ZBTB44: variants seen among roughly 807,000 people sequenced by gnomAD.
ZBTB44 encodes the protein zinc finger and BTB domain containing 44.
Under a neutral mutation model 54.0 loss-of-function variants are expected in ZBTB44, and 15 were observed. The ratio of observed to expected loss-of-function variants is 0.28; its 90% confidence interval spans 0.19 to 0.43. The LOEUF (loss-of-function observed/expected upper bound fraction) is 0.43. Ranked by LOEUF, ZBTB44 falls within the 20% of genes least tolerant of loss-of-function variation. The pLI, the probability that ZBTB44 is intolerant of heterozygous loss-of-function variation, is 1.00. For synonymous variants in ZBTB44, 230 were observed against 250.1 expected (o/e 0.92, Z 0.76); for missense variants, 487 against 707.1 (o/e 0.69, Z 3.53).
chr11:130,267,370 G>A (rs563826372), intron 1 of ZBTB44, among the ~76,000 whole-genome samples: 87 of 152,190 alleles, frequency 5.7e-4, no homozygotes, highest in African/African-American at 2.0e-3. Flanking sequence ...AAGTACTGAT[G>A]TCAAAGCTGC....
chr11:130,293,990 TC>T (rs1280136373), intron 1 of ZBTB44, among the ~76,000 whole-genome samples: 4 of 152,214 alleles, frequency 2.6e-5, no homozygotes, highest in South Asian at 2.1e-4. Context: ...TTGTTAGTAG[TC>T]ACCAAGTCAT....
intron 1 of ZBTB44, among the ~76,000 whole-genome samples, chr11:130,281,484 C>T (rs540580974): frequency 1.8e-4 from 27 of 151,494 alleles, no homozygotes; most frequent in African/African-American, 6.3e-4. Flanking sequence ...TGTGCTACTG[C>T]ACTCTAGCCT....
At position 130,271,305 on chromosome 11, in the gene ZBTB44, G is replaced by C. The variant is rs148310629; in HGVS notation, c.-56-9376C>G. Among the ~76,000 whole-genome samples the C allele has an allele frequency of 8.7e-3, 1,320 of 152,274 alleles. 9 individuals carry two copies. Among genetic ancestry groups the C allele is most frequent in the African/African-American group, 0.022 (896 of 41,552 alleles). On this transcript the variant is annotated intron_variant, in intron 1 of 7. Transcript: ENST00000357899. ...TAGCAATGAATATGGCTAGCACCCA[G>C]AATGGCTTCTAAATTCCATTTCTCA...
intron 6 of ZBTB44, chr11:130,233,732 TG>T (rs1953984220): frequency 1.7e-6 from 2 of 1,165,166 alleles, no homozygotes; most frequent in African/African-American, 1.6e-5. Flanking sequence ...AACTGGTATA[TG>T]TTTTAAGTCA....
At chr11:130,302,802 G>A (rs1370242657) in intron 1 of ZBTB44, among the ~76,000 whole-genome samples, 4 of 152,138 alleles carry the variant, frequency 2.6e-5, no homozygotes, top group African/African-American at 7.2e-5. Context: ...GTGAAACCCC[G>A]TCTCTACTTA....
intron 2 of ZBTB44, among the ~76,000 whole-genome samples, chr11:130,244,358 TATA>T (rs1954535163): frequency 6.6e-6 from 1 of 152,048 alleles, no homozygotes. Flanking sequence ...AGCTTTTGGT[TATA>T]ATATTTTAAT....
At chr11:130,276,692 G>A (rs1204853979) in intron 1 of ZBTB44, among the ~76,000 whole-genome samples, 1 of 152,118 alleles carries the variant, frequency 6.6e-6, no homozygotes, top group East Asian at 1.9e-4. Flanking sequence ...GCCTCCCAGA[G>A]TGCTGGGATT....
At chr11:130,251,315 A>T (rs1937983442) in intron 2 of ZBTB44, among the ~76,000 whole-genome samples, 1 of 152,154 alleles carries the variant, frequency 6.6e-6, no homozygotes, top group Non-Finnish European at 1.5e-5. Flanking sequence ...CAAACCTACG[A>T]TTGACTGAGG....
At chr11:130,235,007 A>C (rs562322551) in intron 5 of ZBTB44, among the ~76,000 whole-genome samples, 1 of 152,264 alleles carries the variant, frequency 6.6e-6, no homozygotes, top group East Asian at 1.9e-4. Flanking sequence ...GTATTTCCTA[A>C]ATTTCCTACT....
intron 2 of ZBTB44, among the ~76,000 whole-genome samples, chr11:130,259,266 C>G (rs1189570862): frequency 6.6e-6 from 1 of 152,132 alleles, no homozygotes; most frequent in Non-Finnish European, 1.5e-5. Flanking sequence ...CATCTCACAC[C>G]AGTTAGAATG....
intron 1 of ZBTB44, among the ~76,000 whole-genome samples, chr11:130,286,480 A>T (rs139209555): frequency 2.0e-5 from 3 of 152,348 alleles, no homozygotes; most frequent in African/African-American, 7.2e-5. Flanking sequence ...AAGGTTTCTA[A>T]TTCTAGATCT....
intron 1 of ZBTB44, among the ~76,000 whole-genome samples, chr11:130,304,709 A>G (rs1479527228): frequency 6.6e-6 from 1 of 152,206 alleles, no homozygotes; most frequent in African/African-American, 2.4e-5. Context: ...CTGAAAGTAC[A>G]GTCCTAAGAA....
At position 130,237,016 on chromosome 11, in the gene ZBTB44, G is replaced by A. The variant is rs1954136244; in HGVS notation, c.1345C>T (p.His449Tyr). 1 of 1,611,358 alleles carries A rather than the reference G, an allele frequency of 6.2e-7. No individual in the cohort carries two copies. Among genetic ancestry groups the A allele is most frequent in the Non-Finnish European group, 8.5e-7 (1 of 1,178,836 alleles). The part of the protein sequence containing the change: ...AYSLKMHRLK[H>Y]EGKRCFRCQI... ...CACCGGAAACAGCGTTTACCTTCAT[G>A]CTTTAGGCGATGCATCTTTAGCGAG... The change falls in exon 5 of 8, where the codon CAT (histidine) becomes TAT (tyrosine). Residue 449 changes from histidine (H) to tyrosine (Y), a missense_variant. His to Tyr is a moderately conservative substitution (Grantham distance 83, BLOSUM62 2). Around this residue, in one of 3 missense-constraint regions of ZBTB44, gnomAD observed 120 missense variants for 240.3 expected, o/e 0.50. Transcript: ENST00000357899.
At chr11:130,252,110 A>C (rs1288040855) in intron 2 of ZBTB44, among the ~76,000 whole-genome samples, 1 of 152,186 alleles carries the variant, frequency 6.6e-6, no homozygotes, top group Admixed American at 6.6e-5. Flanking sequence ...AAAAAAAAGA[A>C]GCAGGGGCTG....
At chr11:130,238,080 G>A (rs1954189330) in intron 4 of ZBTB44, among the ~76,000 whole-genome samples, 1 of 152,134 alleles carries the variant, frequency 6.6e-6, no homozygotes, top group Admixed American at 6.5e-5. Flanking sequence ...CAAACTTAAA[G>A]AGACATTATA....
At chr11:130,271,928 C>T (rs570993577) in intron 1 of ZBTB44, among the ~76,000 whole-genome samples, 1 of 152,020 alleles carries the variant, frequency 6.6e-6, no homozygotes, top group African/African-American at 2.4e-5. Flanking sequence ...CCTTTATATT[C>T]CCATCAAGAG....
chr11:130,263,277 A>T (rs575710775), intron 1 of ZBTB44, among the ~76,000 whole-genome samples: 2 of 152,206 alleles, frequency 1.3e-5, no homozygotes, highest in Non-Finnish European at 2.9e-5. Context: ...ACTGACCACA[A>T]TGAGACACTA....
Position 130,311,375 on chromosome 11 carries a change from ATTTT to A in ZBTB44, c.-57+2996_-57+2999del, listed in dbSNP as rs538151417. 9.2e-5 allele frequency among the ~76,000 whole-genome samples: 14 copies of A among 151,804 alleles called. No individual in the cohort carries two copies. In the South Asian group the frequency reaches 2.7e-3, roughly 29 times the overall value. The stretch of plus-strand genomic sequence containing the variant: ...AGGCACACACCACCACGCCTGGCTA[ATTTT>A]TTTATTTTTTATAGAGATGGGGTCT... On this transcript the variant is annotated intron_variant, in intron 1 of 7. Coordinates refer to ENST00000357899, the MANE Select transcript of ZBTB44 (RefSeq NM_001301098.2).
intron 2 of ZBTB44, among the ~76,000 whole-genome samples, chr11:130,244,750 T>C (rs956126922): frequency 2.6e-5 from 4 of 151,834 alleles, no homozygotes; most frequent in African/African-American, 9.7e-5. Context: ...ATTTAATAAG[T>C]ATCATCTGCT....
Sources: allele counts gnomAD v4.1 joint callset (sites outside exome capture counted in the v4.1 genomes callset), GRCh38; gene constraint gnomAD v4.1.1; regional missense constraint gnomAD v4.1.1; transcripts MANE v1.5; gene names NCBI Gene and HGNC (gene_info 2026-07-23, HGNC 2026-07-21).